NUP205: variants seen among roughly 807,000 people sequenced by gnomAD.
NUP205 encodes the protein nucleoporin 205, also known as nuclear pore complex protein Nup205.
In NUP205, 76 loss-of-function variants were observed where a neutral mutation model predicts 253.8. The observed-to-expected ratio is 0.30, with a 90% CI of 0.25 to 0.36. The LOEUF (loss-of-function observed/expected upper bound fraction) is 0.36. NUP205 is among the 10% of genes least tolerant of loss of function. NUP205 has a pLI of 1.00. For missense variants in NUP205, 2,162 were observed against 2,425.5 expected (o/e 0.89, Z 2.28); for synonymous variants, 832 against 850.1 (o/e 0.98, Z 0.37).
intron 22 of NUP205, among the ~76,000 whole-genome samples, chr7:135,611,941 C>T (rs192915364): frequency 2.8e-4 from 42 of 152,062 alleles, no homozygotes; most frequent in Middle Eastern, 3.4e-3. Flanking sequence ...GGTGAAACCC[C>T]GTCTCTACTA....
At chr7:135,583,827 GCTTT>G (rs201134403) in intron 7 of NUP205, among the ~76,000 whole-genome samples, 48 of 150,628 alleles carry the variant, frequency 3.2e-4, no homozygotes, top group Admixed American at 5.3e-4. Flanking sequence ...TTTTACTTTT[GCTTT>G]CTTTCTTTCT....
chr7:135,618,108 A>G (rs1794397711), intron 27 of NUP205, among the ~76,000 whole-genome samples: 1 of 152,140 alleles, frequency 6.6e-6, no homozygotes, highest in Non-Finnish European at 1.5e-5. Context: ...CTTGGAGTTT[A>G]GATAATTCTA....
intron 1 of NUP205, among the ~76,000 whole-genome samples, chr7:135,560,795 A>G (rs536539389): frequency 7.2e-5 from 11 of 152,278 alleles, no homozygotes; most frequent in Admixed American, 5.2e-4. Flanking sequence ...AGAAACAGAA[A>G]GTAGAATGGT....
chr7:135,597,957 A>G, intron 14 of NUP205, 41 bp from the exon 15 acceptor site: 1 of 1,500,556 alleles, frequency 6.7e-7, no homozygotes, highest in Non-Finnish European at 9.3e-7. Flanking sequence ...TTCATAGCTA[A>G]TAGTTTTTAT....
chr7:135,635,723 A>G lies in NUP205; in HGVS notation c.5136+66A>G. ...TGTTACAAAATATACCATCCTCCCC[A>G]TTGTGCCCCCTAGATTTGGGAAACC... On this transcript the variant is annotated intron_variant, in intron 36 of 42. Coordinates refer to ENST00000285968, the MANE Select transcript of NUP205 (RefSeq NM_015135.3). The G allele has an allele frequency of 3.3e-6, 3 of 916,574 alleles. No homozygotes were observed. In the South Asian group the frequency reaches 5.3e-5, roughly 16 times the overall value. The allele number at this position is 916,574 out of a possible 1,614,324, so 56.8% of individuals were successfully genotyped here. A position where few individuals can be genotyped will look rare whatever the true frequency, so the allele number is the denominator to read the frequency against.
Position 135,626,298 on chromosome 7 carries a change from G to A in NUP205, c.4730G>A (p.Gly1577Glu), listed in dbSNP as rs1158202164. The change falls in exon 33 of 43, where the codon GGG (glycine) becomes GAG (glutamate). Residue 1577 changes from glycine (G) to glutamate (E), a missense_variant. Gly to Glu is a moderately conservative substitution (Grantham distance 98, BLOSUM62 -2). This residue lies in a region of NUP205 where 1,144 missense variants were observed against 1,280.9 expected (regional missense o/e 0.89). Coordinates refer to ENST00000285968, the MANE Select transcript of NUP205 (RefSeq NM_015135.3). ...QQGALELLRSGVIVRLAQCQV... is the reference protein window; with the variant it reads ...QQGALELLRSEVIVRLAQCQV... ...GGTGCATTAGAGCTGCTAAGATCAG[G>A]GGTGATTGTGAGACTAGCTCAATGC... 1 of 1,614,132 alleles carries A rather than the reference G, an allele frequency of 6.2e-7. No individual in the cohort carries two copies. The highest frequency in any genetic ancestry group is 8.5e-7 in the Non-Finnish European group (1 of 1,179,998).
At chr7:135,570,675 A>AT in intron 1 of NUP205, among the ~76,000 whole-genome samples, 1 of 117,556 alleles carries the variant, frequency 8.5e-6, no homozygotes, top group African/African-American at 3.4e-5. Flanking sequence ...TATAATTAAT[A>AT]TATATTAATT....
chr7:135,611,410 C>T (rs565365821), intron 22 of NUP205, among the ~76,000 whole-genome samples: 6 of 152,212 alleles, frequency 3.9e-5, no homozygotes, highest in Admixed American at 2.0e-4. Context: ...TTGAGAAGTT[C>T]GGTATTAGCT....
intron 27 of NUP205, among the ~76,000 whole-genome samples, 186 bp from the exon 28 acceptor site, chr7:135,618,226 A>C (rs1443131868): frequency 6.6e-6 from 1 of 152,188 alleles, no homozygotes; most frequent in Non-Finnish European, 1.5e-5. Context: ...TTTCATGCAC[A>C]TACACACACA....
chr7:135,619,640 C>A lies in NUP205; in HGVS notation c.4181C>A (p.Ser1394Tyr), dbSNP rs1364299784. 6.2e-7 allele frequency: 1 copy of A among 1,613,990 alleles called. No homozygotes were observed. The highest frequency in any genetic ancestry group is 1.3e-5 in the African/African-American group (1 of 74,930). Residue 1394 changes from serine to tyrosine, a missense_variant, in exon 29 of 43, where the codon TCT becomes TAT. Transcript: ENST00000285968. ...GTGGGTTTTGCTTCTATTGGAGATT[C>A]TTCACTTTACATCATATTGAAGAAA... ...PLVGFASIGD[S>Y]SLYIILKKLL...
At chr7:135,633,053 C>T (rs1273125402) in intron 35 of NUP205, among the ~76,000 whole-genome samples, 1 of 152,034 alleles carries the variant, frequency 6.6e-6, no homozygotes, top group African/African-American at 2.4e-5. Flanking sequence ...GCAGCCTCGA[C>T]CTACCTGGCT....
intron 30 of NUP205, 25 bp from the exon 31 acceptor site, chr7:135,622,751 GT>G: frequency 6.2e-7 from 1 of 1,608,588 alleles, no homozygotes. Flanking sequence ...TTACTGGAGT[GT>G]TTTTTTCTGT....
chr7:135,572,744 G>A (rs1009568946), intron 2 of NUP205, among the ~76,000 whole-genome samples: 1 of 151,642 alleles, frequency 6.6e-6, no homozygotes, highest in Non-Finnish European at 1.5e-5. Flanking sequence ...TATTAGAGAC[G>A]TGGTTTCACC....
chr7:135,619,476 G>A lies in NUP205; in HGVS notation c.4017G>A (p.Val1339=), dbSNP rs1161853431. The change falls in exon 29 of 43, where the codon GTG becomes GTA. Residue 1339 remains valine, a synonymous_variant. Coordinates refer to ENST00000285968, the MANE Select transcript of NUP205 (RefSeq NM_015135.3). Reference sequence around the variant, plus strand: ...TAATGCCTGTGGTCGCCGGGGCAGTGTTCACACTGACTGCTCACCTAAGCC... The same window carrying A: ...TAATGCCTGTGGTCGCCGGGGCAGTATTCACACTGACTGCTCACCTAAGCC... The part of the protein sequence containing the change: ...QELMPVVAGA[V]FTLTAHLSQA... 2 of 1,613,784 alleles carry A rather than the reference G, an allele frequency of 1.2e-6. No individual in the cohort carries two copies. Among genetic ancestry groups the A allele is most frequent in the South Asian group, 2.2e-5 (2 of 91,050 alleles).
Position 135,565,989 on chromosome 7 carries a change from A to AT in NUP205, c.29-5109dup, listed in dbSNP as rs531621472. On this transcript the variant is annotated intron_variant, in intron 1 of 42. Transcript: ENST00000285968. ...TCATTTTGGCAGGCAGAGAAATCTG[A>AT]TTTTTTTCAGTGTATCCAGAGTTGA... Among the ~76,000 whole-genome samples, 502 of 152,238 alleles carry AT rather than the reference A, an allele frequency of 3.3e-3. 4 individuals carry two copies. The highest frequency in any genetic ancestry group is 0.011 in the African/African-American group (465 of 41,554).
At chr7:135,604,246 C>A in intron 18 of NUP205, 94 bp from the exon 19 acceptor site, 1 of 1,023,006 alleles carries the variant, frequency 9.8e-7, no homozygotes. Context: ...GCTGTATGGG[C>A]AGGGGAAGCC....
At chr7:135,573,116 G>A (rs563501848) in intron 2 of NUP205, among the ~76,000 whole-genome samples, 4 of 152,098 alleles carry the variant, frequency 2.6e-5, no homozygotes, top group Admixed American at 1.3e-4. Context: ...TGCAATAGAG[G>A]AGCTAGATTC....
At chr7:135,597,969 AC>A in intron 14 of NUP205, 28 bp from the exon 15 acceptor site, 1 of 1,579,372 alleles carries the variant, frequency 6.3e-7, no homozygotes, top group Non-Finnish European at 8.7e-7. Context: ...AGTTTTTATT[AC>A]CAAGTTTTCT....
chr7:135,630,496 T>G, intron 35 of NUP205, 26 bp downstream of exon 35: 9 of 1,568,872 alleles, frequency 5.7e-6, no homozygotes, highest in Non-Finnish European at 7.8e-6. Flanking sequence ...TGAAAGGATT[T>G]TTAATAATTC....
Sources: allele counts gnomAD v4.1 joint callset (sites outside exome capture counted in the v4.1 genomes callset), GRCh38; gene constraint gnomAD v4.1.1; regional missense constraint gnomAD v4.1.1; transcripts MANE v1.5; gene names NCBI Gene and HGNC (gene_info 2026-07-23, HGNC 2026-07-21).